Variants in CSMD1 observed in about 807,000 individuals in gnomAD.
CSMD1 encodes CUB and Sushi multiple domains 1.
A neutral mutation model predicts 417.5 loss-of-function variants in CSMD1; 213 were observed. That is an observed-to-expected ratio of 0.51 (90% confidence interval 0.46 to 0.57). CSMD1 has a LOEUF of 0.57. CSMD1 is among the 20% of genes least tolerant of loss of function. The pLI, the probability that CSMD1 is intolerant of heterozygous loss-of-function variation, is 0.00. For missense variants in CSMD1, 6,923 were observed against 4,529.7 expected, an observed-to-expected ratio of 1.53 and a Z score of -15.17; for synonymous variants, 2,862 against 1,736.8, an observed-to-expected ratio of 1.65 and a Z score of -16.11.
intron 3 of CSMD1, among the ~76,000 whole-genome samples, chr8:4,152,154 G>C (rs969210157): frequency 6.6e-6 from 1 of 152,030 alleles, no homozygotes; most frequent in Non-Finnish European, 1.5e-5. Context: ...GTTTGAAATT[G>C]GATAATTTAT....
rs540103278 is a variant in CSMD1 at position 3,516,348 on chromosome 8, C to A, written c.1345-22622G>T. Among the ~76,000 whole-genome samples, 168 of 152,280 alleles carry A rather than the reference C, an allele frequency of 1.1e-3. 1 individual carries two copies. Among genetic ancestry groups the A allele is most frequent in the African/African-American group, 3.8e-3 (157 of 41,560 alleles). ...ACATAGCAGATGAATAGACTTCTTC[C>A]AAGTTGCAAGACAGCTTAGTATAAT... On this transcript the variant is annotated intron_variant, in intron 10 of 69. Transcript: ENST00000635120.
At chr8:4,388,188 G>C (rs941932772) in intron 3 of CSMD1, among the ~76,000 whole-genome samples, 1 of 152,074 alleles carries the variant, frequency 6.6e-6, no homozygotes, top group African/African-American at 2.4e-5. Context: ...CAGAGGAAAA[G>C]AAGTCATTAT....
chr8:4,284,471 C>T (rs1441002336), intron 3 of CSMD1, among the ~76,000 whole-genome samples: 2 of 150,972 alleles, frequency 1.3e-5, no homozygotes, highest in African/African-American at 4.9e-5. Context: ...CACCATGTGG[C>T]TTTCTGTTTC....
chr8:3,181,079 G>A, intron 37 of CSMD1, 31 bp downstream of exon 37: 2 of 1,359,434 alleles, frequency 1.5e-6, no homozygotes, highest in African/African-American at 1.4e-5. Flanking sequence ...GTATAACAGT[G>A]GAAGCTGTAT....
At chr8:3,492,158 T>C (rs73174901) in intron 11 of CSMD1, among the ~76,000 whole-genome samples, 61,165 of 152,026 alleles carry the variant, frequency 0.4, 13,301 homozygotes, top group Non-Finnish European at 0.49. Flanking sequence ...CTGAAACGGG[T>C]GGGCGTGGGT....
chr8:4,883,170 G>C (rs910008397), intron 1 of CSMD1, among the ~76,000 whole-genome samples: 4 of 152,040 alleles, frequency 2.6e-5, no homozygotes, highest in African/African-American at 9.7e-5. Context: ...ATTTTCTCTT[G>C]TGCAAGAATG....
intron 2 of CSMD1, among the ~76,000 whole-genome samples, chr8:4,553,445 T>A (rs1430832715): frequency 6.6e-6 from 1 of 152,096 alleles, no homozygotes; most frequent in East Asian, 1.9e-4. Context: ...AAGAATTTTT[T>A]TTTTTTTTTT....
At chr8:3,476,786 C>G (rs1817453022) in intron 11 of CSMD1, among the ~76,000 whole-genome samples, 1 of 151,838 alleles carries the variant, frequency 6.6e-6, no homozygotes, top group Non-Finnish European at 1.5e-5. Flanking sequence ...GGCTTGGTGG[C>G]AGACATCTGT....
intron 26 of CSMD1, among the ~76,000 whole-genome samples, chr8:3,254,315 C>T (rs1288278790): frequency 6.6e-6 from 1 of 152,040 alleles, no homozygotes; most frequent in South Asian, 2.1e-4. Context: ...ACATTTTTTC[C>T]TTCATTTTAA....
At chr8:3,039,724 T>C (rs556506367) in intron 50 of CSMD1, among the ~76,000 whole-genome samples, 6 of 152,130 alleles carry the variant, frequency 3.9e-5, no homozygotes, top group Non-Finnish European at 7.4e-5. Flanking sequence ...CTAAGGTCTT[T>C]CAAAATATTT....
At chr8:3,171,520 C>G (rs1275373308) in intron 37 of CSMD1, among the ~76,000 whole-genome samples, 4 of 152,122 alleles carry the variant, frequency 2.6e-5, no homozygotes, top group South Asian at 2.1e-4. Flanking sequence ...AGTCACAGAG[C>G]CACTAGTCAT....
chr8:3,820,982 A>C (rs1585046099), intron 5 of CSMD1, among the ~76,000 whole-genome samples: 1 of 150,838 alleles, frequency 6.6e-6, no homozygotes, highest in South Asian at 2.1e-4. Flanking sequence ...AATGGTGCAA[A>C]CTCGGTTCAC....
intron 3 of CSMD1, among the ~76,000 whole-genome samples, chr8:4,309,239 T>C (rs530615222): frequency 6.6e-6 from 1 of 152,170 alleles, no homozygotes; most frequent in South Asian, 2.1e-4. Flanking sequence ...GCAAGACCCA[T>C]AATTTTAATT....
chr8:4,284,490 G>A (rs1233601125), intron 3 of CSMD1, among the ~76,000 whole-genome samples: 1 of 151,112 alleles, frequency 6.6e-6, no homozygotes, highest in Admixed American at 6.7e-5. Context: ...TCCACATGTT[G>A]CTTTTGCGCA....
intron 8 of CSMD1, among the ~76,000 whole-genome samples, chr8:3,608,866 G>A (rs774061841): frequency 2.0e-5 from 3 of 152,068 alleles, no homozygotes; most frequent in Non-Finnish European, 2.9e-5. Context: ...CCCTTGCAGT[G>A]ATCAATTAAA....
rs535288771 is a variant in CSMD1, at chr8:3,110,522, G to A, written c.6431-187C>T. Among the ~76,000 whole-genome samples, 5 of 152,074 alleles carry A rather than the reference G, an allele frequency of 3.3e-5. No homozygotes were observed. The East Asian group carries it at 9.6e-4, about 29-fold the overall frequency. ...TCTGAAGACCTTAGAAGAATTATAC[G>A]TCTAAGCTAAATTATCTCAGTTTTA... On this transcript the variant is annotated intron_variant, in intron 42 of 69. Coordinates refer to ENST00000635120, the MANE Select transcript of CSMD1 (RefSeq NM_033225.6).
At chr8:3,494,627 TGACA>T (rs1796290782) in intron 10 of CSMD1, among the ~76,000 whole-genome samples, 4 of 151,930 alleles carry the variant, frequency 2.6e-5, no homozygotes, top group Admixed American at 6.6e-5. Flanking sequence ...AGTAGATAGA[TGACA>T]GACTGGATGG....
At chr8:4,970,771 G>C (rs951949869) in intron 1 of CSMD1, among the ~76,000 whole-genome samples, 5 of 151,992 alleles carry the variant, frequency 3.3e-5, no homozygotes, top group African/African-American at 9.7e-5. Flanking sequence ...AACCAAACAA[G>C]GGTCTTAATT....
At chr8:3,294,510 C>G (rs967293141) in intron 25 of CSMD1, among the ~76,000 whole-genome samples, 1 of 152,130 alleles carries the variant, frequency 6.6e-6, no homozygotes, top group African/African-American at 2.4e-5. Context: ...GTCATTCAAG[C>G]CTTGGCAATG....
Sources: allele counts gnomAD v4.1 joint callset (sites outside exome capture counted in the v4.1 genomes callset), GRCh38; gene constraint gnomAD v4.1.1; transcripts MANE v1.5; gene names NCBI Gene and HGNC (gene_info 2026-07-23, HGNC 2026-07-21).